Variants in DMD observed in about 807,000 individuals in gnomAD.
DMD encodes dystrophin.
Under a neutral mutation model 330.1 loss-of-function variants are expected in DMD, and 63 were observed. That is an observed-to-expected ratio of 0.19 (90% CI 0.16 to 0.24). The LOEUF (loss-of-function observed/expected upper bound fraction) is 0.24, where lower values mean the gene tolerates loss of function less well. Among genes scored for constraint, DMD ranks in the 10% least tolerant of loss-of-function variants. DMD has a pLI of 1.00. For synonymous variants in DMD, 1,223 were observed against 959.8 expected, an observed-to-expected ratio of 1.27 and a Z score of -5.07; for missense variants, 3,344 against 2,684.1, an observed-to-expected ratio of 1.25 and a Z score of -5.43.
chrX:32,235,108 T>A (rs1044978143), intron 43 of DMD, among the ~76,000 whole-genome samples: 1 of 111,431 alleles, frequency 9.0e-6, no homozygotes, highest in African/African-American at 3.3e-5. Context: ...TATATTATTA[T>A]CACATTATAA....
chrX:32,835,058 A>C (rs1303408643), intron 4 of DMD, among the ~76,000 whole-genome samples: 2 of 111,780 alleles, frequency 1.8e-5, no homozygotes, highest in African/African-American at 6.5e-5. Flanking sequence ...TTAATCATTA[A>C]ACTAGACACA....
rs111634779 is a variant in DMD, at chrX:32,099,893, T to TAA, written c.6438+117021_6438+117022dup. Among the ~76,000 whole-genome samples the TAA allele has an allele frequency of 1.6e-3, 163 of 100,888 alleles. 1 individual carries two copies. The highest frequency in any genetic ancestry group is 5.8e-3 in the African/African-American group (159 of 27,552). The allele number at this position is 100,888 out of a possible 115,157, so 87.6% of individuals were successfully genotyped here. On this transcript the variant is annotated intron_variant, in intron 44 of 78. Transcript: ENST00000357033. ...TGTACCCTAAAACTTAAAGTATAAT[T>TAA]AAAAAAAAAAAGGATGTATCCTACC...
chrX:33,058,935 ATATG>A (rs773233780), intron 1 of DMD, among the ~76,000 whole-genome samples: 18 of 111,735 alleles, frequency 1.6e-4, no homozygotes, highest in Non-Finnish European at 2.8e-4. Context: ...CTTTTTATTG[ATATG>A]TATGAGTTTA....
chrX:32,145,125 C>T (rs2096772733), intron 44 of DMD, among the ~76,000 whole-genome samples: 1 of 112,101 alleles, frequency 8.9e-6, no homozygotes, highest in Non-Finnish European at 1.9e-5. Flanking sequence ...ACAAAACCCT[C>T]ACTGGCTAAA....
intron 2 of DMD, among the ~76,000 whole-genome samples, chrX:32,952,374 C>T (rs1457081577): frequency 9.0e-6 from 1 of 110,819 alleles, no homozygotes; most frequent in African/African-American, 3.3e-5. Flanking sequence ...CCTCATGATC[C>T]GCCCGCCTCT....
intron 1 of DMD, among the ~76,000 whole-genome samples, chrX:33,191,288 T>C (rs963912873): frequency 5.5e-5 from 6 of 108,216 alleles, no homozygotes; most frequent in South Asian, 4.0e-4. Flanking sequence ...TCTGATTTCA[T>C]TGGTCTGCAA....
intron 63 of DMD, among the ~76,000 whole-genome samples, chrX:31,250,298 G>A (rs1461641314): frequency 3.6e-5 from 4 of 111,532 alleles, no homozygotes; most frequent in Admixed American, 9.6e-5. Context: ...TGGCTCTGCC[G>A]CTTAATCTCT....
intron 60 of DMD, among the ~76,000 whole-genome samples, chrX:31,367,997 C>T (rs2059349222): frequency 1.8e-5 from 2 of 112,182 alleles, no homozygotes; most frequent in Non-Finnish European, 3.8e-5. Flanking sequence ...GCTTGCATCA[C>T]ATCTTGTCAG....
intron 5 of DMD, among the ~76,000 whole-genome samples, chrX:32,817,201 C>T (rs2077831141): frequency 9.0e-6 from 1 of 110,973 alleles, no homozygotes; most frequent in South Asian, 3.8e-4. Context: ...TGATTTCATA[C>T]CATCATTTAA....
At chrX:32,829,827 A>T (rs2079022297) in intron 4 of DMD, among the ~76,000 whole-genome samples, 1 of 111,746 alleles carries the variant, frequency 8.9e-6, no homozygotes, top group African/African-American at 3.2e-5. Flanking sequence ...AGATAAATGA[A>T]GCTTCCACAA....
intron 45 of DMD, among the ~76,000 whole-genome samples, chrX:31,942,921 T>C (rs192658839): frequency 1.2e-3 from 135 of 112,074 alleles, no homozygotes; most frequent in African/African-American, 4.2e-3. Context: ...AGATTTTCCA[T>C]GAAGAACAAA....
chrX:31,779,365 C>G (rs947296537), intron 50 of DMD, among the ~76,000 whole-genome samples: 2 of 111,414 alleles, frequency 1.8e-5, no homozygotes, highest in African/African-American at 6.5e-5. Context: ...CATGCCTGGG[C>G]ATTCACCCCG....
intron 24 of DMD, among the ~76,000 whole-genome samples, chrX:32,464,214 T>G (rs1249896844): frequency 8.9e-6 from 1 of 111,936 alleles, no homozygotes; most frequent in Non-Finnish European, 1.9e-5. Flanking sequence ...TTATACTGCA[T>G]TTTATAGTAA....
intron 9 of DMD, among the ~76,000 whole-genome samples, chrX:32,663,358 A>G (rs1461955128): frequency 8.9e-6 from 1 of 111,910 alleles, no homozygotes; most frequent in African/African-American, 3.2e-5. Flanking sequence ...TCAATTGGTA[A>G]ACTTATCTTT....
At chrX:32,103,955 G>GT (rs1474973934) in intron 44 of DMD, among the ~76,000 whole-genome samples, 6 of 111,570 alleles carry the variant, frequency 5.4e-5, no homozygotes, top group Non-Finnish European at 9.4e-5. Flanking sequence ...CAGGCATAGT[G>GT]TTCTGTTGCA....
chrX:31,455,491 GTACT>G (rs1176116651), intron 59 of DMD, among the ~76,000 whole-genome samples: 1 of 111,980 alleles, frequency 8.9e-6, no homozygotes, highest in Admixed American at 9.5e-5. Context: ...AGGCACTTCT[GTACT>G]AATTACTAAT....
chrX:33,096,603 T>G (rs2095170336), intron 1 of DMD, among the ~76,000 whole-genome samples: 1 of 108,971 alleles, frequency 9.2e-6, no homozygotes, highest in Admixed American at 9.9e-5. Context: ...CCTCCCAGAT[T>G]CAAAGATTCT....
intron 52 of DMD, among the ~76,000 whole-genome samples, chrX:31,706,809 T>C (rs2084231756): frequency 8.9e-6 from 1 of 112,567 alleles, no homozygotes; most frequent in Non-Finnish European, 1.9e-5. Context: ...CAGTAGAAAT[T>C]ACATACACTG....
intron 59 of DMD, among the ~76,000 whole-genome samples, chrX:31,451,646 C>A (rs1438886925): frequency 9.0e-6 from 1 of 110,677 alleles, no homozygotes; most frequent in Non-Finnish European, 1.9e-5. Flanking sequence ...AGCTCTCCAA[C>A]AAAACTGGGA....
Sources: gnomAD v4.1 joint callset for allele counts (sites outside exome capture counted in the v4.1 genomes callset) on GRCh38, gnomAD v4.1.1 for gene constraint, MANE v1.5 for transcripts, NCBI Gene and HGNC (gene_info 2026-07-23, HGNC 2026-07-21) for gene names.